GRIK2: variants seen among roughly 807,000 people sequenced by gnomAD.
GRIK2 encodes the protein glutamate receptor ionotropic, kainate 2.
In GRIK2, 32 loss-of-function variants were observed where a neutral mutation model predicts 100.3. That is an observed-to-expected ratio of 0.32 (90% CI 0.24 to 0.43). The LOEUF (loss-of-function observed/expected upper bound fraction) is 0.43, where lower values mean the gene tolerates loss of function less well. GRIK2 is among the 20% of genes least tolerant of loss of function. The pLI, the probability that GRIK2 is intolerant of heterozygous loss-of-function variation, is 1.00. For missense variants in GRIK2, 843 were observed against 1,114.9 expected (o/e 0.76, Z 3.47); for synonymous variants, 417 against 389.4 (o/e 1.07, Z -0.83).
chr6:101,696,056 T>G (rs1005886287), intron 7 of GRIK2, among the ~76,000 whole-genome samples: 6 of 152,020 alleles, frequency 3.9e-5, no homozygotes, highest in Admixed American at 2.0e-4. Flanking sequence ...TTTGGTATAT[T>G]TTTGTTATTA....
chr6:101,532,760 C>A (rs1471428660), intron 2 of GRIK2, among the ~76,000 whole-genome samples: 1 of 151,454 alleles, frequency 6.6e-6, no homozygotes, highest in Non-Finnish European at 1.5e-5. Context: ...CTAAAGAGAT[C>A]TTAGAAGACC....
At chr6:102,032,712 A>T (rs1375055414) in intron 14 of GRIK2, among the ~76,000 whole-genome samples, 2 of 151,242 alleles carry the variant, frequency 1.3e-5, no homozygotes, top group Non-Finnish European at 3.0e-5. Context: ...GTTTTGTTGC[A>T]TTTGTAAAAT....
chr6:101,556,229 G>T (rs137967527), intron 2 of GRIK2, among the ~76,000 whole-genome samples: 1 of 148,978 alleles, frequency 6.7e-6, no homozygotes. Context: ...TTGAGTTTTC[G>T]TAGGGTTATT....
chr6:101,659,746 A>G (rs1054505549), intron 4 of GRIK2, among the ~76,000 whole-genome samples: 2 of 152,176 alleles, frequency 1.3e-5, no homozygotes, highest in East Asian at 3.9e-4. Context: ...GTTTGGCTGG[A>G]TATGAAATTC....
chr6:101,417,643 G>T (rs1032847588), intron 2 of GRIK2, among the ~76,000 whole-genome samples: 2 of 152,184 alleles, frequency 1.3e-5, no homozygotes, highest in African/African-American at 2.4e-5. Context: ...TGTGGGCGTA[G>T]AATTACTTAA....
At chr6:101,465,871 G>T (rs1771618924) in intron 2 of GRIK2, among the ~76,000 whole-genome samples, 1 of 152,208 alleles carries the variant, frequency 6.6e-6, no homozygotes, top group African/African-American at 2.4e-5. Context: ...TTAATTTGGA[G>T]AATAAGATTA....
intron 4 of GRIK2, among the ~76,000 whole-genome samples, chr6:101,650,475 A>G (rs1378020896): frequency 2.6e-5 from 4 of 152,134 alleles, no homozygotes; most frequent in African/African-American, 9.7e-5. Flanking sequence ...GCTGTACCAA[A>G]AACTGTTTCA....
intron 10 of GRIK2, among the ~76,000 whole-genome samples, chr6:101,846,345 GGTAA>G (rs1161628622): frequency 1.3e-5 from 2 of 152,020 alleles, no homozygotes; most frequent in Non-Finnish European, 1.5e-5. Context: ...TACTATGTGA[GGTAA>G]GTATCAACTT....
intron 2 of GRIK2, among the ~76,000 whole-genome samples, chr6:101,448,949 T>C (rs2579933): frequency 0.96 from 146,127 of 151,518 alleles, 70,500 homozygotes; most frequent in African/African-American, 0.99. Context: ...ATTACATTAT[T>C]GTTCATGGGA....
intron 2 of GRIK2, among the ~76,000 whole-genome samples, chr6:101,479,389 T>C (rs1309769135): frequency 6.6e-6 from 1 of 152,166 alleles, no homozygotes; most frequent in East Asian, 1.9e-4. Context: ...AAGATTAATA[T>C]GAGTATGGCA....
At chr6:101,923,643 C>T (rs906161804) in intron 12 of GRIK2, among the ~76,000 whole-genome samples, 8 of 151,984 alleles carry the variant, frequency 5.3e-5, no homozygotes, top group African/African-American at 1.9e-4. Flanking sequence ...TTTGATGGCT[C>T]GGCGCGGTGG....
intron 14 of GRIK2, among the ~76,000 whole-genome samples, 159 bp downstream of exon 14, chr6:101,928,791 T>C (rs998919977): frequency 2.0e-5 from 3 of 152,190 alleles, no homozygotes; most frequent in African/African-American, 7.2e-5. Flanking sequence ...ACTGAACGTA[T>C]GCTCATCAAG....
intron 15 of GRIK2, among the ~76,000 whole-genome samples, chr6:102,041,552 G>A (rs1466460009): frequency 6.6e-6 from 1 of 151,498 alleles, no homozygotes; most frequent in East Asian, 1.9e-4. Flanking sequence ...GTTGCATGGA[G>A]TCTTTGGCCT....
chr6:101,759,995 G>C (rs947416582), intron 7 of GRIK2, among the ~76,000 whole-genome samples: 1 of 128,546 alleles, frequency 7.8e-6, no homozygotes, highest in African/African-American at 3.6e-5. Context: ...TCAGCCTCCC[G>C]AGTAGCTGGG....
At chr6:101,836,953 C>T (rs1054750756) in intron 10 of GRIK2, among the ~76,000 whole-genome samples, 2 of 152,000 alleles carry the variant, frequency 1.3e-5, no homozygotes, top group African/African-American at 4.8e-5. Context: ...TGTGAGCCAC[C>T]ATGCCTGGCC....
intron 2 of GRIK2, among the ~76,000 whole-genome samples, chr6:101,478,682 A>AT (rs541493553): frequency 0.046 from 6,733 of 146,220 alleles, 200 homozygotes; most frequent in South Asian, 0.098. Context: ...CCTGGCTAAT[A>AT]TTTTTTTTTT....
intron 4 of GRIK2, among the ~76,000 whole-genome samples, chr6:101,636,762 G>A (rs545024765): frequency 1.8e-4 from 27 of 151,178 alleles, no homozygotes; most frequent in African/African-American, 6.6e-4. Context: ...TTGGGGGGGC[G>A]GGGAAATGTG....
At chr6:101,964,717 G>A (rs1792547873) in intron 14 of GRIK2, among the ~76,000 whole-genome samples, 2 of 152,188 alleles carry the variant, frequency 1.3e-5, no homozygotes, top group African/African-American at 2.4e-5. Context: ...GCCTGGGGAA[G>A]CTGTAGTTCT....
chr6:101,872,057 CT>C (rs1184820598), intron 11 of GRIK2, among the ~76,000 whole-genome samples: 2 of 151,808 alleles, frequency 1.3e-5, no homozygotes, highest in African/African-American at 4.8e-5. Flanking sequence ...TTGTTGTTGA[CT>C]TTTTAACAAT....
Sources: gnomAD v4.1 joint callset for allele counts (sites outside exome capture counted in the v4.1 genomes callset) on GRCh38, gnomAD v4.1.1 for gene constraint, MANE v1.5 for transcripts, NCBI Gene and HGNC (gene_info 2026-07-23, HGNC 2026-07-21) for gene names.